Variants in SETD2 observed in about 807,000 individuals in gnomAD.
SETD2 encodes SET domain containing 2, histone lysine methyltransferase.
SETD2 carries 31 observed loss-of-function variants against 242.1 expected under a neutral mutation model. The observed-to-expected ratio is 0.13, with a 90% CI of 0.10 to 0.17. The LOEUF (loss-of-function observed/expected upper bound fraction) is 0.17, where lower values mean the gene tolerates loss of function less well. SETD2 is among the 10% of genes least tolerant of loss of function. The pLI, the probability that SETD2 is intolerant of heterozygous loss-of-function variation, is 1.00. For missense variants in SETD2, 2,481 were observed against 3,046.3 expected, an observed-to-expected ratio of 0.81 and a Z score of 4.37; for synonymous variants, 1,006 against 1,066.5, an observed-to-expected ratio of 0.94 and a Z score of 1.11.
intron 16 of SETD2, among the ~76,000 whole-genome samples, chr3:47,045,285 C>T (rs2039468019): frequency 6.6e-6 from 1 of 151,954 alleles, no homozygotes; most frequent in Non-Finnish European, 1.5e-5. Context: ...TTTGGGAGGC[C>T]AAGGCGGGTA....
At chr3:47,093,322 C>T (rs1160766805) in intron 9 of SETD2, among the ~76,000 whole-genome samples, 1 of 142,914 alleles carries the variant, frequency 7.0e-6, no homozygotes, top group Non-Finnish European at 1.5e-5. Flanking sequence ...TTCACTCTGT[C>T]GCCCAGGTAG....
At chr3:47,032,465 C>CA (rs1184002398) in intron 18 of SETD2, among the ~76,000 whole-genome samples, 4 of 151,548 alleles carry the variant, frequency 2.6e-5, no homozygotes, top group African/African-American at 9.7e-5. Context: ...GCCTGGGAAA[C>CA]AGAGTGAACC....
chr3:47,100,281 T>C (rs2107679962), intron 8 of SETD2, among the ~76,000 whole-genome samples: 1 of 151,050 alleles, frequency 6.6e-6, no homozygotes, highest in East Asian at 2.0e-4. Flanking sequence ...TTATTTTTTT[T>C]AGATGGAGTC....
At chr3:47,153,048 G>T (rs1444586107) in intron 1 of SETD2, among the ~76,000 whole-genome samples, 1 of 151,972 alleles carries the variant, frequency 6.6e-6, no homozygotes, top group Non-Finnish European at 1.5e-5. Flanking sequence ...AAACAGGCAT[G>T]GTGGCTCACG....
intron 9 of SETD2, among the ~76,000 whole-genome samples, chr3:47,091,480 A>G (rs2041801927): frequency 6.6e-6 from 1 of 151,918 alleles, no homozygotes; most frequent in African/African-American, 2.4e-5. Flanking sequence ...TACAAAAATT[A>G]GGCCAGGCAC....
chr3:47,148,256 A>G (rs985061829), intron 1 of SETD2, among the ~76,000 whole-genome samples: 2 of 151,726 alleles, frequency 1.3e-5, no homozygotes, highest in Non-Finnish European at 2.9e-5. Flanking sequence ...TCAGCCTCCC[A>G]AGTAGTTGGG....
chr3:47,129,568 T>C (rs759895106), intron 1 of SETD2, among the ~76,000 whole-genome samples: 2 of 152,124 alleles, frequency 1.3e-5, no homozygotes, highest in Non-Finnish European at 2.9e-5. Flanking sequence ...ATCACCAAAT[T>C]AGATTGAGGA....
At chr3:47,058,363 C>T (rs983029750) in intron 14 of SETD2, among the ~76,000 whole-genome samples, 2 of 148,234 alleles carry the variant, frequency 1.3e-5, no homozygotes, top group Non-Finnish European at 3.0e-5. Flanking sequence ...ATCGCTTGAA[C>T]CCAGGAGGCA....
At position 47,057,323 on chromosome 3, in the gene SETD2, G is replaced by C. The variant is rs772107314; in HGVS notation, c.6461C>G (p.Ser2154Cys). 6 of 1,614,212 alleles carry C rather than the reference G, an allele frequency of 3.7e-6. No homozygotes were observed. In the Admixed American group the frequency reaches 1.0e-4, roughly 27 times the overall value. Reference protein sequence around the residue: ...LGMTSPLPYDSLGYNAPHHPF... With the variant: ...LGMTSPLPYDCLGYNAPHHPF... ...ATGATGCGGGGCATTATAACCAAGA[G>C]AGTCATAGGGCAGTGGTGATGTCAT... Residue 2154 changes from serine to cysteine, a missense_variant, in exon 15 of 21, where the codon TCT (serine) becomes TGT (cysteine). Coordinates refer to ENST00000409792, the MANE Select transcript of SETD2 (RefSeq NM_014159.7).
chr3:47,083,932 G>A lies in SETD2; in HGVS notation c.5848C>T (p.Pro1950Ser), dbSNP rs2041427730. The change falls in exon 12 of 21, where the codon CCT becomes TCT. Residue 1950 changes from proline to serine, a missense_variant. Pro to Ser is a moderately conservative substitution (Grantham distance 74). This residue lies in a region of SETD2 where 203 missense variants were observed against 222.4 expected (regional missense o/e 0.91). Coordinates refer to ENST00000409792, the MANE Select transcript of SETD2 (RefSeq NM_014159.7). ...GCGTCAGCTTCTGGTTCAGATGTAG[G>A]TAGCTTACTAGCTTCTATGTTGGTT... ...SETNIEASKL[P>S]TSEPEADAEI... 20 of 1,614,128 alleles carry A rather than the reference G, an allele frequency of 1.2e-5. No individual in the cohort carries two copies. Among genetic ancestry groups the A allele is most frequent in the Non-Finnish European group, 1.7e-5 (20 of 1,180,014 alleles).
chr3:47,033,162 C>T (rs1435564936), intron 18 of SETD2, among the ~76,000 whole-genome samples: 1 of 152,176 alleles, frequency 6.6e-6, no homozygotes, highest in Non-Finnish European at 1.5e-5. Flanking sequence ...TTTTATGATG[C>T]CTATGTTCCC....
chr3:47,111,980 A>G (rs1387987131), intron 5 of SETD2, among the ~76,000 whole-genome samples: 1 of 152,160 alleles, frequency 6.6e-6, no homozygotes, highest in Non-Finnish European at 1.5e-5. Flanking sequence ...AGTTATGTCT[A>G]AGTTACTAGA....
chr3:47,127,349 TAA>T (rs60754228), intron 1 of SETD2, among the ~76,000 whole-genome samples: 7 of 142,164 alleles, frequency 4.9e-5, no homozygotes, highest in African/African-American at 5.3e-5. Flanking sequence ...TGGCTGTCTT[TAA>T]AAAAAAAAAA....
Position 47,150,492 on chromosome 3 carries a change from T to G in SETD2, c.71+13362A>C, listed in dbSNP as rs1164748052. Among the ~76,000 whole-genome samples the G allele has an allele frequency of 2.6e-5, 4 of 152,220 alleles. No homozygotes were observed. The East Asian group carries it at 5.8e-4, about 22-fold the overall frequency. On this transcript the variant is annotated intron_variant, in intron 1 of 20. Transcript: ENST00000409792. The stretch of plus-strand genomic sequence containing the variant: ...AACAGAACAAGGGTAAAGTGCAGCT[T>G]ACCCTTAGTTTAAGGATTACCCATC...
In SETD2 at chr3:47,121,673, C is replaced by T. The variant is rs2043094847; in HGVS notation, c.2963G>A (p.Gly988Glu). 1.2e-6 allele frequency: 2 copies of T among 1,613,800 alleles called. No individual in the cohort carries two copies. Among genetic ancestry groups the T allele is most frequent in the Non-Finnish European group, 1.7e-6 (2 of 1,179,846 alleles). ...EISLDERGEG[G>E]HVHTSDDSEV... is the part of the protein sequence containing the mutation. ...TGAGTCATCAGAAGTATGCACATGT[C>T]CTCCTTCTCCTCTTTCATCTAAAGA... Residue 988 changes from glycine (G) to glutamate (E), a missense_variant, in exon 3 of 21, where the codon GGA (glycine) becomes GAA (glutamate). Physicochemically the swap from Gly to Glu is moderately conservative, Grantham distance 98. Around this residue, in one of 17 missense-constraint regions of SETD2, gnomAD observed 1,300 missense variants for 1,259.2 expected, o/e 1.03. Transcript: ENST00000409792.
At position 47,120,299 on chromosome 3, in the gene SETD2, C is replaced by T. The variant is rs2043019999; in HGVS notation, c.4337G>A (p.Gly1446Glu). The change falls in exon 3 of 21, where the codon GGG becomes GAG. Residue 1446 changes from glycine to glutamate, a missense_variant. By Grantham distance (98) the Gly-to-Glu change is moderately conservative. This residue lies in a region of SETD2 where 1,300 missense variants were observed against 1,259.2 expected (regional missense o/e 1.03). Coordinates refer to ENST00000409792, the MANE Select transcript of SETD2 (RefSeq NM_014159.7). The stretch of plus-strand genomic sequence containing the variant: ...GAAGTCATCCATGACACAGGAGGGC[C>T]CAACCAGTGCTGAACCTGGGGGCAC... ...TSVPPGSALV[G>E]PSCVMDDFRD... 1 of 1,613,806 alleles carries T rather than the reference C, an allele frequency of 6.2e-7. No homozygotes were observed. The highest frequency in any genetic ancestry group is 8.5e-7 in the Non-Finnish European group (1 of 1,179,916).
At chr3:47,056,075 A>AG (rs1398186873) in intron 15 of SETD2, among the ~76,000 whole-genome samples, 1 of 116,588 alleles carries the variant, frequency 8.6e-6, no homozygotes, top group African/African-American at 2.8e-5. Flanking sequence ...AAAAAAAAAA[A>AG]AAGAAAAGAA....
At chr3:47,034,346 T>C (rs1017941595) in intron 18 of SETD2, among the ~76,000 whole-genome samples, 4 of 152,232 alleles carry the variant, frequency 2.6e-5, no homozygotes, top group African/African-American at 9.6e-5. Flanking sequence ...CTTTCGTTTT[T>C]ATACATGTAC....
chr3:47,062,096 G>A lies in SETD2; in HGVS notation c.6293+67C>T. 27 of 1,427,158 alleles carry A rather than the reference G, an allele frequency of 1.9e-5. No individual in the cohort carries two copies. In the South Asian group the frequency reaches 3.1e-4, roughly 17 times the overall value. The allele number at this position is 1,427,158 out of a possible 1,614,324, so 88.4% of individuals were successfully genotyped here. The stretch of plus-strand genomic sequence containing the variant: ...TTGATGTTCACAATCAGAAGTATAT[G>A]ACTTGGGTACTTTTTAACTTGCTCA... On this transcript the variant is annotated intron_variant, in intron 14 of 20. Transcript: ENST00000409792.
Sources: gnomAD v4.1 joint callset for allele counts (sites outside exome capture counted in the v4.1 genomes callset) on GRCh38, gnomAD v4.1.1 for gene constraint, gnomAD v4.1.1 regional missense constraint, MANE v1.5 for transcripts, NCBI Gene and HGNC (gene_info 2026-07-23, HGNC 2026-07-21) for gene names.